USP28: variants seen among roughly 807,000 people sequenced by gnomAD.
USP28 encodes ubiquitin specific peptidase 28, also known as ubiquitin carboxyl-terminal hydrolase 28.
Under a neutral mutation model 145.0 loss-of-function variants are expected in USP28, and 113 were observed. That is an observed-to-expected ratio of 0.78 (90% CI 0.67 to 0.91). USP28 has a LOEUF of 0.91. USP28 is among the 40% of genes least tolerant of loss of function. The pLI is 0.00. For missense variants in USP28, 1,201 were observed against 1,289.6 expected (o/e 0.93, Z 1.05); for synonymous variants, 447 against 450.9 (o/e 0.99, Z 0.11).
exon 24 of USP28, chr11:113,801,517 G>A (rs746770424): frequency 6.3e-7 from 1 of 1,593,526 alleles, no homozygotes. Flanking sequence ...AGCACCAATG[G>A]TTTCTCATGA....
At chr11:113,844,146 G>A (rs1478277327) in intron 3 of USP28, among the ~76,000 whole-genome samples, 1 of 152,068 alleles carries the variant, frequency 6.6e-6, no homozygotes, top group Admixed American at 6.5e-5. Flanking sequence ...ACACCATCAA[G>A]AAGTGAAGAG....
In USP28 at chr11:113,830,947, C is replaced by T. The variant is rs1323094078; in HGVS notation, c.834-4G>A. On this transcript the variant is annotated splice_region_variant and splice_polypyrimidine_tract_variant and intron_variant, in intron 8 of 24. Coordinates refer to ENST00000003302, the Ensembl canonical transcript of USP28. ...TTCAGATTTGTTCCTGGGACTGCTG[C>T]TTTTAGGAAAAGGAGACAATTCTGG... 1.2e-6 allele frequency: 2 copies of T among 1,612,204 alleles called. No homozygotes were observed. The highest frequency in any genetic ancestry group is 1.4e-5 in the African/African-American group (1 of 73,458).
intron 10 of USP28, among the ~76,000 whole-genome samples, chr11:113,828,179 G>A (rs920379898): frequency 6.6e-6 from 1 of 152,224 alleles, no homozygotes; most frequent in Non-Finnish European, 1.5e-5. Context: ...CAGATACCCT[G>A]TCAGCATAAT....
exon 16 of USP28, chr11:113,812,298 G>T: frequency 6.2e-7 from 1 of 1,613,996 alleles, no homozygotes; most frequent in Non-Finnish European, 8.5e-7. Context: ...AGGGTAGTTT[G>T]TCATTAATGT....
intron 23 of USP28, 144 bp downstream of exon 24, chr11:113,803,014 C>A: frequency 1.1e-6 from 1 of 879,648 alleles, no homozygotes; most frequent in Non-Finnish European, 1.6e-6. Flanking sequence ...AAACCTGTTC[C>A]AATGTAAAAC....
chr11:113,834,140 T>C (rs1944314717), intron 6 of USP28, 109 bp downstream of exon 6: 2 of 722,628 alleles, frequency 2.8e-6, no homozygotes, highest in Admixed American at 6.0e-5. Context: ...AACAAATAAT[T>C]AGCACAAGCC....
At chr11:113,838,063 C>T (rs1723871595) in intron 5 of USP28, among the ~76,000 whole-genome samples, 1 of 152,118 alleles carries the variant, frequency 6.6e-6, no homozygotes, top group Admixed American at 6.6e-5. Flanking sequence ...CTTCCCTTCC[C>T]ATTACTCTCC....
In USP28 at chr11:113,812,266, A is replaced by T; in HGVS notation, c.1972+10T>A. ...TCCCCAATCTATAGATTCTGCCAAG[A>T]TACTTTTACCTGCATTGAAGTAGGG... On this transcript the variant is annotated intron_variant, in intron 16 of 24. Coordinates refer to ENST00000003302, the Ensembl canonical transcript of USP28. 4 of 1,608,180 alleles carry T rather than the reference A, an allele frequency of 2.5e-6. No homozygotes were observed. Among genetic ancestry groups the T allele is most frequent in the Non-Finnish European group, 3.4e-6 (4 of 1,176,424 alleles).
exon 25 of USP28, chr11:113,799,231 T>C (rs1250768482): frequency 3.1e-6 from 5 of 1,611,276 alleles, no homozygotes; most frequent in Admixed American, 3.3e-5. Context: ...GCCTTGAACA[T>C]GTGGGAGCTT....
At chr11:113,809,334 T>C (rs1286341229) in intron 16 of USP28, 80 bp from the exon 17 acceptor site, 88 of 1,377,318 alleles carry the variant, frequency 6.4e-5, no homozygotes, top group Non-Finnish European at 8.6e-5. Context: ...GCAGGGTATT[T>C]CATCTTTATC....
chr11:113,872,894 A>G (rs1948971994), intron 1 of USP28, among the ~76,000 whole-genome samples: 1 of 152,240 alleles, frequency 6.6e-6, no homozygotes, highest in African/African-American at 2.4e-5. Flanking sequence ...GTGAAATCAT[A>G]AAGTGTCTAC....
chr11:113,867,831 G>T (rs1591508909), intron 1 of USP28, among the ~76,000 whole-genome samples: 2 of 125,388 alleles, frequency 1.6e-5, no homozygotes, highest in East Asian at 5.5e-4. Flanking sequence ...GGAAGGGAGG[G>T]AGGAAGAAAG....
rs530619934 is a variant in USP28, at chr11:113,842,354, G to A, written c.269-586C>T. On this transcript the variant is annotated intron_variant, in intron 3 of 24. Coordinates refer to ENST00000003302, the Ensembl canonical transcript of USP28. ...TAATCCCAGCACTTTGGGAGGCCGA[G>A]GCGGGCGGATCACGAGGTCAAGAGA... 2.6e-5 allele frequency among the ~76,000 whole-genome samples: 4 copies of A among 152,234 alleles called. No homozygotes were observed. The South Asian group carries it at 8.3e-4, about 32-fold the overall frequency.
intron 2 of USP28, 137 bp downstream of exon 2, chr11:113,854,121 G>T: frequency 1.4e-6 from 1 of 722,968 alleles, no homozygotes; most frequent in Non-Finnish European, 2.3e-6. Context: ...TGAAGACATT[G>T]GGTCAGTCAT....
chr11:113,847,347 G>T (rs1162542395), intron 3 of USP28, among the ~76,000 whole-genome samples: 1 of 147,442 alleles, frequency 6.8e-6, no homozygotes, highest in Non-Finnish European at 1.5e-5. Context: ...AAAATCCATT[G>T]AAAGATACCA....
chr11:113,817,332 C>T (rs774305847), intron 13 of USP28, among the ~76,000 whole-genome samples: 8 of 152,302 alleles, frequency 5.3e-5, no homozygotes, highest in Non-Finnish European at 1.0e-4. Flanking sequence ...TTTGGAAGAG[C>T]AGGGCTTGAG....
intron 5 of USP28, among the ~76,000 whole-genome samples, chr11:113,837,999 A>T (rs1944759376): frequency 6.6e-6 from 1 of 152,106 alleles, no homozygotes; most frequent in Admixed American, 6.5e-5. Flanking sequence ...ACAGAGGAAA[A>T]AAAAAAAGAC....
intron 10 of USP28, chr11:113,828,803 C>A: frequency 5.2e-6 from 2 of 383,840 alleles, no homozygotes; most frequent in East Asian, 1.6e-4. Flanking sequence ...CAATTGAGAA[C>A]AGTAAATACT....
intron 1 of USP28, among the ~76,000 whole-genome samples, chr11:113,873,466 G>A (rs1477875205): frequency 1.3e-5 from 2 of 152,156 alleles, no homozygotes; most frequent in Non-Finnish European, 2.9e-5. Context: ...TGCTCATCAA[G>A]TAGCTCACAC....
Sources: gnomAD v4.1 joint callset for allele counts (sites outside exome capture counted in the v4.1 genomes callset) on GRCh38, gnomAD v4.1.1 for gene constraint, MANE v1.5 for transcripts, NCBI Gene and HGNC (gene_info 2026-07-23, HGNC 2026-07-21) for gene names.